The following TECTA variants were observed in gnomAD, a reference collection of about 807,000 sequenced individuals.
TECTA encodes the protein alpha-tectorin.
A neutral mutation model predicts 216.8 loss-of-function variants in TECTA; 128 were observed. The observed-to-expected ratio is 0.59, with a 90% CI of 0.51 to 0.68. TECTA has a LOEUF of 0.68. Ranked by LOEUF, TECTA falls within the 30% of genes least tolerant of loss-of-function variation. TECTA has a pLI of 0.00. For missense variants in TECTA, 2,551 were observed against 2,786.2 expected, an observed-to-expected ratio of 0.92 and a Z score of 1.90; for synonymous variants, 1,089 against 1,117.1, an observed-to-expected ratio of 0.97 and a Z score of 0.50.
chr11:121,160,640 C>T (rs1056771587), intron 15 of TECTA, among the ~76,000 whole-genome samples: 2 of 152,180 alleles, frequency 1.3e-5, no homozygotes, highest in Non-Finnish European at 2.9e-5. Context: ...GATGATATAA[C>T]TCTAATTTTC....
At chr11:121,107,403 T>C (rs1946400711) in intron 3 of TECTA, among the ~76,000 whole-genome samples, 1 of 152,200 alleles carries the variant, frequency 6.6e-6, no homozygotes, top group Middle Eastern at 3.2e-3. Flanking sequence ...TCTTCAAGCC[T>C]CTAGGATGTT....
rs4936590 is a variant in TECTA, at chr11:121,168,525, T to C, written c.5751-152T>C. Reference sequence around the variant, plus strand: ...TTTCATTTAAATGTAAATTGCCCCATGTGGCTAGCAGGTACTGTATTGGAC... The same window carrying C: ...TTTCATTTAAATGTAAATTGCCCCACGTGGCTAGCAGGTACTGTATTGGAC... On this transcript the variant is annotated intron_variant, in intron 19 of 23. Coordinates refer to ENST00000392793, the MANE Select transcript of TECTA (RefSeq NM_005422.4). 0.21 allele frequency: 232,220 copies of C among 1,110,376 alleles called. 27,909 individuals are homozygous for C. The highest frequency in any genetic ancestry group is 0.44 in the African/African-American group (27,987 of 63,290). The allele number at this position is 1,110,376 out of a possible 1,614,324, so 68.8% of individuals were successfully genotyped here.
At chr11:121,148,256 G>A (rs749397795) in intron 12 of TECTA, among the ~76,000 whole-genome samples, 1 of 152,162 alleles carries the variant, frequency 6.6e-6, no homozygotes, top group Non-Finnish European at 1.5e-5. Flanking sequence ...ATACGCCAGG[G>A]CCAACAGGTA....
In TECTA at chr11:121,137,989, C is replaced by T. The variant is rs747924317; in HGVS notation, c.3510C>T (p.Ile1170=). The T allele has an allele frequency of 1.3e-5, 21 of 1,613,538 alleles. No homozygotes were observed. The highest frequency in any genetic ancestry group is 7.7e-5 in the South Asian group (7 of 91,076). The change falls in exon 11 of 24, where the codon ATC becomes ATT. Residue 1170 remains isoleucine, a synonymous_variant. Transcript: ENST00000392793. ...ACGTGACCGTGTTTGGCTACAGCATCGTGATCCACCGAGCTTACAAGCACA... is the reference window on the plus strand; with the variant it reads ...ACGTGACCGTGTTTGGCTACAGCATTGTGATCCACCGAGCTTACAAGCACA... ...QVDVTVFGYS[I]VIHRAYKHTV...
intron 3 of TECTA, among the ~76,000 whole-genome samples, chr11:121,106,754 C>T (rs1018534086): frequency 1.3e-5 from 2 of 152,152 alleles, no homozygotes; most frequent in African/African-American, 4.8e-5. Flanking sequence ...CTCTCTTCCC[C>T]AACTTTTGAT....
At chr11:121,174,357 T>C (rs1030391987) in intron 20 of TECTA, among the ~76,000 whole-genome samples, 7 of 151,730 alleles carry the variant, frequency 4.6e-5, no homozygotes. Context: ...TATTTTGAGA[T>C]ATGTCCCATC....
chr11:121,169,026 C>T (rs1947085134), intron 20 of TECTA, 101 bp downstream of exon 20: 1 of 1,578,424 alleles, frequency 6.3e-7, no homozygotes, highest in African/African-American at 1.3e-5. Context: ...TTGTTGGCTG[C>T]CTACAAGGCC....
intron 16 of TECTA, among the ~76,000 whole-genome samples, chr11:121,163,443 CTG>C (rs1234972021): frequency 1.0e-5 from 1 of 98,978 alleles, no homozygotes. Flanking sequence ...ACTCTGGGGA[CTG>C]TTGTGGGGTG....
rs769033358 is a variant in TECTA, at chr11:121,125,810, A to C, written c.1712A>C (p.Tyr571Ser). The C allele has an allele frequency of 2.5e-6, 4 of 1,613,878 alleles. No homozygotes were observed. The highest frequency in any genetic ancestry group is 3.4e-6 in the Non-Finnish European group (4 of 1,180,038). ...CTCCTCTGCCAAGCCATCCAGGCCTATGCTCTTGTGTGCCAAGCCCTTGGC... is the reference window on the plus strand; with the variant it reads ...CTCCTCTGCCAAGCCATCCAGGCCTCTGCTCTTGTGTGCCAAGCCCTTGGC... ...GTLLCQAIQA[Y>S]ALVCQALGIP... The change falls in exon 8 of 24, where the codon TAT becomes TCT. Residue 571 changes from tyrosine (Y) to serine (S), a missense_variant. Coordinates refer to ENST00000392793, the MANE Select transcript of TECTA (RefSeq NM_005422.4).
chr11:121,190,258 G>T (rs1947328526), intron 23 of TECTA: 1 of 359,328 alleles, frequency 2.8e-6, no homozygotes. Context: ...CCTCTTACAA[G>T]GTTGGCAGGA....
chr11:121,158,677 A>T (rs1466782332), intron 14 of TECTA, among the ~76,000 whole-genome samples: 1 of 152,050 alleles, frequency 6.6e-6, no homozygotes, highest in African/African-American at 2.4e-5. Context: ...AAAAACACCA[A>T]TCTGAGTAAA....
chr11:121,141,464 G>A (rs1046974787), intron 11 of TECTA, among the ~76,000 whole-genome samples: 3 of 152,198 alleles, frequency 2.0e-5, no homozygotes, highest in African/African-American at 7.2e-5. Flanking sequence ...TAAGCCAAGA[G>A]AAGCTAGAAA....
chr11:121,160,815 T>C (rs1430697944), intron 15 of TECTA, among the ~76,000 whole-genome samples: 1 of 152,196 alleles, frequency 6.6e-6, no homozygotes, highest in Non-Finnish European at 1.5e-5. Context: ...CTGGGTCTAA[T>C]TGTGTGTCCT....
At chr11:121,115,650 T>C (rs1362193080) in intron 6 of TECTA, among the ~76,000 whole-genome samples, 1 of 152,144 alleles carries the variant, frequency 6.6e-6, no homozygotes, top group East Asian at 1.9e-4. Context: ...GTTGTTGTTG[T>C]TGTTGTTTTT....
At position 121,176,681 on chromosome 11, in the gene TECTA, T is replaced by C. The variant is rs1591467975; in HGVS notation, c.5999+7756T>C. 2.7e-5 allele frequency among the ~76,000 whole-genome samples: 4 copies of C among 150,354 alleles called. No homozygotes were observed. In the South Asian group the frequency reaches 8.6e-4, roughly 32 times the overall value. The stretch of plus-strand genomic sequence containing the variant: ...GAGTTGCTCTTCTTGAGGAGTATCT[T>C]TGTGGCGTTCTCTGTATTTCCTGAA... On this transcript the variant is annotated intron_variant, in intron 20 of 23. Coordinates refer to ENST00000392793, the MANE Select transcript of TECTA (RefSeq NM_005422.4).
chr11:121,164,242 A>T lies in TECTA; in HGVS notation c.5273-1031A>T, dbSNP rs192091502. The stretch of plus-strand genomic sequence containing the variant: ...TCAAGTGTACAGTGTATTGGTACTA[A>T]CTATAGCCACTTTGATGTTCAGTAG... On this transcript the variant is annotated intron_variant, in intron 16 of 23. Coordinates refer to ENST00000392793, the MANE Select transcript of TECTA (RefSeq NM_005422.4). 5.9e-5 allele frequency among the ~76,000 whole-genome samples: 9 copies of T among 152,280 alleles called. No individual in the cohort carries two copies. The East Asian group carries it at 1.7e-3, about 29-fold the overall frequency.
At chr11:121,178,275 C>A (rs1392537051) in intron 20 of TECTA, among the ~76,000 whole-genome samples, 2 of 152,252 alleles carry the variant, frequency 1.3e-5, no homozygotes, top group Non-Finnish European at 2.9e-5. Context: ...CTGCGTCGCT[C>A]ACGCTGGGAG....
intron 9 of TECTA, among the ~76,000 whole-genome samples, chr11:121,129,087 G>T (rs1214661635): frequency 6.6e-6 from 1 of 152,186 alleles, no homozygotes; most frequent in Non-Finnish European, 1.5e-5. Context: ...TGCCCAAGGA[G>T]ATAATAAAAT....
In TECTA at chr11:121,190,775, AT is replaced by A. The variant is rs1947333690; in HGVS notation, c.6441del (p.Phe2147LeufsTer11). On this transcript the variant is annotated frameshift_variant, in exon 24 of 24. Coordinates refer to ENST00000392793, the MANE Select transcript of TECTA (RefSeq NM_005422.4). LOFTEE classifies it high-confidence loss of function. ...ATCATGATCCAGATTTCATTATGGC[AT>A]TTTGTCTATAAATCAGGCACGACCT... Reference protein sequence around the residue: ...LLIMIQISLWHFVYKSGTTS With the variant: ...LLIMIQISLWXFVYKSGTTS The A allele has an allele frequency of 1.2e-6, 2 of 1,613,638 alleles. No homozygotes were observed. The highest frequency in any genetic ancestry group is 1.3e-5 in the African/African-American group (1 of 74,918).
Sources: gnomAD v4.1 joint callset for allele counts (sites outside exome capture counted in the v4.1 genomes callset) on GRCh38, gnomAD v4.1.1 for gene constraint, MANE v1.5 for transcripts, NCBI Gene and HGNC (gene_info 2026-07-23, HGNC 2026-07-21) for gene names.